Variants in ANKRD17 observed in about 807,000 individuals in gnomAD.
The protein encoded by ANKRD17 is ankyrin repeat domain 17, also known as ankyrin repeat domain-containing protein 17.
In ANKRD17, 19 loss-of-function variants were observed where a neutral mutation model predicts 229.7. The ratio of observed to expected loss-of-function variants is 0.08; its 90% CI spans 0.06 to 0.12. The LOEUF is 0.12. Ranked by LOEUF, ANKRD17 falls within the 10% of genes least tolerant of loss-of-function variation. The probability of loss-of-function intolerance (pLI) is 1.00; values close to 1 mark genes in which losing one functional copy is unlikely to be tolerated. For synonymous variants in ANKRD17, 1,112 were observed against 1,146.1 expected (o/e 0.97, Z 0.60); for missense variants, 2,176 against 3,176.8 (o/e 0.68, Z 7.57).
intron 20 of ANKRD17, 88 bp from the exon 21 acceptor site, chr4:73,120,425 A>G: frequency 8.9e-6 from 11 of 1,242,086 alleles, no homozygotes; most frequent in Middle Eastern, 4.0e-4. Context: ...AAGAAGGAAT[A>G]TGATACAGCT....
intron 29 of ANKRD17, among the ~76,000 whole-genome samples, chr4:73,086,565 A>T (rs1722148570): frequency 6.6e-6 from 1 of 151,958 alleles, no homozygotes; most frequent in Admixed American, 6.6e-5. Flanking sequence ...TACAGAAAAA[A>T]AAGAAAGAAA....
intron 1 of ANKRD17, among the ~76,000 whole-genome samples, chr4:73,179,438 G>GTA (rs894452541): frequency 4.4e-5 from 6 of 136,566 alleles, no homozygotes; most frequent in Non-Finnish European, 6.2e-5. Flanking sequence ...ATGTGTGTGT[G>GTA]TATATATATC....
chr4:73,253,111 T>C (rs1368194011), intron 1 of ANKRD17, among the ~76,000 whole-genome samples: 3 of 152,220 alleles, frequency 2.0e-5, no homozygotes, highest in Non-Finnish European at 4.4e-5. Context: ...TTCTGACATT[T>C]ATTAGCTATG....
intron 1 of ANKRD17, among the ~76,000 whole-genome samples, chr4:73,228,481 C>T (rs555594363): frequency 5.3e-5 from 8 of 152,214 alleles, no homozygotes; most frequent in Admixed American, 3.9e-4. Flanking sequence ...AAAGCATTCA[C>T]GGTTTAAGAG....
intron 22 of ANKRD17, 79 bp from the exon 23 acceptor site, chr4:73,115,995 G>T: frequency 8.5e-7 from 1 of 1,179,288 alleles, no homozygotes; most frequent in Non-Finnish European, 1.3e-6. Context: ...AACTTTAACA[G>T]TTAAGATTAG....
chr4:73,122,155 T>C (rs886446962), intron 18 of ANKRD17, among the ~76,000 whole-genome samples: 1 of 152,174 alleles, frequency 6.6e-6, no homozygotes, highest in Non-Finnish European at 1.5e-5. Flanking sequence ...GTAAGTATTT[T>C]AAAAGCATGG....
chr4:73,208,971 G>A (rs546553718), intron 1 of ANKRD17, among the ~76,000 whole-genome samples: 29 of 152,186 alleles, frequency 1.9e-4, no homozygotes, highest in Middle Eastern at 3.4e-3. Context: ...CAGCACTTCC[G>A]GGGGTGGGCA....
chr4:73,096,563 A>C (rs145956723), intron 27 of ANKRD17, among the ~76,000 whole-genome samples: 1 of 152,328 alleles, frequency 6.6e-6, no homozygotes, highest in East Asian at 1.9e-4. Context: ...AAATTTCCGG[A>C]AAGTTCTTTA....
At chr4:73,118,315 GAT>G (rs1429043028) in intron 22 of ANKRD17, among the ~76,000 whole-genome samples, 1 of 151,962 alleles carries the variant, frequency 6.6e-6, no homozygotes, top group Non-Finnish European at 1.5e-5. Flanking sequence ...CAGTTTAAGT[GAT>G]ATTTTTCTCT....
chr4:73,089,832 A>G (rs1722609675), intron 29 of ANKRD17, among the ~76,000 whole-genome samples: 1 of 152,198 alleles, frequency 6.6e-6, no homozygotes, highest in African/African-American at 2.4e-5. Flanking sequence ...CCAATATGGT[A>G]GCTACCAGCC....
At chr4:73,088,308 T>C (rs1366530268) in intron 29 of ANKRD17, among the ~76,000 whole-genome samples, 1 of 152,196 alleles carries the variant, frequency 6.6e-6, no homozygotes, top group Non-Finnish European at 1.5e-5. Flanking sequence ...ATACTTCCTA[T>C]GTAATAAAAG....
In ANKRD17 at chr4:73,177,429, T is replaced by C. The variant is rs370474967; in HGVS notation, c.498A>G (p.Thr166=). Residue 166 remains threonine, a synonymous_variant, in exon 2 of 34, where the codon ACA becomes ACG. Coordinates refer to ENST00000358602, the MANE Select transcript of ANKRD17 (RefSeq NM_032217.5). The stretch of plus-strand genomic sequence containing the variant: ...GTCTAGCCTGTGTTTCTGGATCTAC[T>C]GTCCTGAGGTCTGCACCATCAGCAG... The part of the protein sequence containing the change: ...SGTADGADLR[T]VDPETQARLE... 112 of 1,612,278 alleles carry C rather than the reference T, an allele frequency of 6.9e-5. No individual in the cohort carries two copies. The highest frequency in any genetic ancestry group is 2.8e-4 in the Admixed American group (17 of 59,950).
intron 24 of ANKRD17, among the ~76,000 whole-genome samples, chr4:73,110,501 A>T (rs1725180587): frequency 6.6e-6 from 1 of 152,154 alleles, no homozygotes; most frequent in African/African-American, 2.4e-5. Context: ...AAATTTTCCA[A>T]ATTAGAAAGA....
chr4:73,165,605 T>C (rs1057070826), intron 2 of ANKRD17, among the ~76,000 whole-genome samples: 2 of 152,178 alleles, frequency 1.3e-5, no homozygotes, highest in African/African-American at 2.4e-5. Flanking sequence ...GACTGTGAAT[T>C]TGACAGATTT....
At chr4:73,248,111 T>C (rs1744664805) in intron 1 of ANKRD17, among the ~76,000 whole-genome samples, 2 of 151,954 alleles carry the variant, frequency 1.3e-5, no homozygotes, top group Admixed American at 1.3e-4. Context: ...ACAAGTATAT[T>C]AATATAGATA....
At chr4:73,254,321 C>T (rs79703872) in intron 1 of ANKRD17, among the ~76,000 whole-genome samples, 761 of 152,274 alleles carry the variant, frequency 5.0e-3, no homozygotes, top group Non-Finnish European at 7.8e-3. Context: ...TTACCGGCTC[C>T]CTTTGTCTAA....
chr4:73,156,200 T>A, intron 3 of ANKRD17, 34 bp from the exon 4 acceptor site: 1 of 1,547,564 alleles, frequency 6.5e-7, no homozygotes, highest in Admixed American at 2.3e-5. Context: ...TACCAGAATA[T>A]AAGAATATTA....
At chr4:73,250,509 A>C (rs1744894007) in intron 1 of ANKRD17, among the ~76,000 whole-genome samples, 1 of 132,894 alleles carries the variant, frequency 7.5e-6, no homozygotes, top group South Asian at 2.7e-4. Flanking sequence ...AGGTGAGATG[A>C]GAATTGCTTG....
intron 1 of ANKRD17, among the ~76,000 whole-genome samples, chr4:73,220,789 T>C (rs1487794610): frequency 6.6e-6 from 1 of 152,116 alleles, no homozygotes; most frequent in Non-Finnish European, 1.5e-5. Context: ...AGGTGAAAAT[T>C]ACGGTAATGA....
Sources: gnomAD v4.1 joint callset for allele counts (sites outside exome capture counted in the v4.1 genomes callset) on GRCh38, gnomAD v4.1.1 for gene constraint, MANE v1.5 for transcripts, NCBI Gene and HGNC (gene_info 2026-07-23, HGNC 2026-07-21) for gene names.